EYS: variants seen among roughly 807,000 people sequenced by gnomAD.
EYS encodes EGF-like photoreceptor maintenance factor, also known as protein eyes shut homolog.
In EYS, 250 loss-of-function variants were observed where a neutral mutation model predicts 282.1. The ratio of observed to expected loss-of-function variants is 0.89; its 90% CI spans 0.80 to 0.98. The LOEUF is 0.98. Among genes scored for constraint, EYS ranks in the 50% least tolerant of loss-of-function variants. EYS has a pLI of 0.00. For missense variants in EYS, 4,016 were observed against 3,709.0 expected (o/e 1.08, Z -2.15); for synonymous variants, 1,355 against 1,282.9 (o/e 1.06, Z -1.20).
At chr6:64,095,868 G>C (rs1772587724) in intron 31 of EYS, among the ~76,000 whole-genome samples, 1 of 152,138 alleles carries the variant, frequency 6.6e-6, no homozygotes, top group Non-Finnish European at 1.5e-5. Context: ...TTTACAATTT[G>C]GCATGTTTTT....
At chr6:65,648,032 T>A (rs1022593737) in intron 1 of EYS, among the ~76,000 whole-genome samples, 7 of 152,078 alleles carry the variant, frequency 4.6e-5, no homozygotes, top group African/African-American at 1.7e-4. Flanking sequence ...AAATAATAGA[T>A]CTTGGCGTGG....
At chr6:64,392,704 C>A (rs1023805651) in intron 28 of EYS, among the ~76,000 whole-genome samples, 1 of 147,674 alleles carries the variant, frequency 6.8e-6, no homozygotes, top group Non-Finnish European at 1.5e-5. Flanking sequence ...ACCCTAACAT[C>A]ACAATTAAAA....
At chr6:64,204,078 G>T (rs1765549670) in intron 31 of EYS, among the ~76,000 whole-genome samples, 1 of 151,958 alleles carries the variant, frequency 6.6e-6, no homozygotes, top group Admixed American at 6.6e-5. Flanking sequence ...AAAATACCTG[G>T]CATTAAATAT....
At chr6:64,735,368 C>T (rs773961970) in intron 22 of EYS, among the ~76,000 whole-genome samples, 1 of 152,208 alleles carries the variant, frequency 6.6e-6, no homozygotes, top group Non-Finnish European at 1.5e-5. Context: ...CAGGCGTGAA[C>T]CACCGTGCCC....
chr6:64,951,673 C>G lies in EYS; in HGVS notation c.2260-5759G>C, dbSNP rs140981394. Among the ~76,000 whole-genome samples, 148 of 151,766 alleles carry G rather than the reference C, an allele frequency of 9.8e-4. 1 individual carries two copies. In the East Asian group the frequency reaches 0.024, roughly 25 times the overall value. Reference sequence around the variant, plus strand: ...TCTATAAAAGAGACAAAGAAAAACTCTGAGTTTGAAAATTATAACCTGAAA... The same window carrying G: ...TCTATAAAAGAGACAAAGAAAAACTGTGAGTTTGAAAATTATAACCTGAAA... On this transcript the variant is annotated intron_variant, in intron 14 of 42. Transcript: ENST00000503581.
Position 63,731,750 on chromosome 6 carries a change from ATAT to A in EYS, c.8072-5073_8072-5071del, listed in dbSNP as rs1768787710. On this transcript the variant is annotated intron_variant, in intron 41 of 42. Transcript: ENST00000503581. ...GCTTTATGTTATAAGCAGATAGCTA[ATAT>A]TTTTCAAAAATTAATAGTTTGTCCT... Among the ~76,000 whole-genome samples, 7 of 152,330 alleles carry A rather than the reference ATAT, an allele frequency of 4.6e-5. 2 individuals are homozygous for A. The highest frequency in any genetic ancestry group is 1.7e-4 in the African/African-American group (7 of 41,576).
intron 2 of EYS, among the ~76,000 whole-genome samples, chr6:65,581,166 G>C (rs1218450070): frequency 6.6e-6 from 1 of 151,922 alleles, no homozygotes; most frequent in African/African-American, 2.4e-5. Context: ...ACTTTGCTGT[G>C]GGTCTAATCA....
intron 22 of EYS, among the ~76,000 whole-genome samples, chr6:64,700,631 T>C (rs889894684): frequency 1.3e-5 from 2 of 151,950 alleles, no homozygotes; most frequent in African/African-American, 4.8e-5. Context: ...TTATGATAAC[T>C]AAAATATTAA....
At chr6:64,930,461 T>TAAA (rs55650031) in intron 15 of EYS, among the ~76,000 whole-genome samples, 1 of 123,010 alleles carries the variant, frequency 8.1e-6, no homozygotes, top group South Asian at 2.6e-4. Context: ...ATAAATAAGG[T>TAAA]AAAAAAAAAA....
chr6:64,494,469 T>G (rs1776832578), intron 26 of EYS, among the ~76,000 whole-genome samples: 1 of 151,662 alleles, frequency 6.6e-6, no homozygotes, highest in South Asian at 2.1e-4. Flanking sequence ...TTTCTCTCAC[T>G]ATTCTTTATT....
intron 31 of EYS, among the ~76,000 whole-genome samples, chr6:64,107,294 TA>T (rs1562204706): frequency 4.1e-5 from 5 of 123,204 alleles, no homozygotes; most frequent in South Asian, 2.4e-4. Context: ...TTTATATATA[TA>T]TATATATATA....
At chr6:64,603,861 CTG>C (rs34430318) in intron 24 of EYS, among the ~76,000 whole-genome samples, 13,546 of 147,790 alleles carry the variant, frequency 0.092, 726 homozygotes, top group East Asian at 0.16. Context: ...AAATGAATAC[CTG>C]TGTGTGTGTG....
rs143798043 is a variant in EYS, at chr6:64,156,399, T to G, written c.6424+74193A>C. On this transcript the variant is annotated intron_variant, in intron 31 of 42. Transcript: ENST00000503581. ...AATTAAACCTCTTTTTTTCCCCCAG[T>G]CTTGAGTATGTCTTTATCAGCAATG... is the stretch of plus-strand genomic sequence containing the variant. Among the ~76,000 whole-genome samples, 93 of 152,192 alleles carry G rather than the reference T, an allele frequency of 6.1e-4. No individual in the cohort carries two copies. The East Asian group carries it at 0.017, about 27-fold the overall frequency.
intron 12 of EYS, among the ~76,000 whole-genome samples, chr6:65,073,327 T>C (rs1450023147): frequency 6.6e-6 from 1 of 151,832 alleles, no homozygotes; most frequent in Non-Finnish European, 1.5e-5. Context: ...AGAGTAAAAC[T>C]GACTTTCAAG....
At chr6:64,234,358 C>G (rs983920943) in intron 30 of EYS, among the ~76,000 whole-genome samples, 1 of 151,888 alleles carries the variant, frequency 6.6e-6, no homozygotes, top group African/African-American at 2.4e-5. Flanking sequence ...TGTTTTTTCA[C>G]CTAAATGTAG....
At chr6:65,124,227 A>G (rs1247744434) in intron 12 of EYS, among the ~76,000 whole-genome samples, 1 of 152,144 alleles carries the variant, frequency 6.6e-6, no homozygotes, top group Non-Finnish European at 1.5e-5. Context: ...TGAAAGCAAA[A>G]GGGACTTTGT....
chr6:64,447,361 C>A (rs1429431526), intron 26 of EYS, among the ~76,000 whole-genome samples: 2 of 151,998 alleles, frequency 1.3e-5, no homozygotes, highest in Admixed American at 6.6e-5. Flanking sequence ...AGCTTAATAC[C>A]CACTAATAGA....
intron 12 of EYS, among the ~76,000 whole-genome samples, chr6:65,088,260 A>C (rs1774445168): frequency 6.6e-6 from 1 of 152,164 alleles, no homozygotes. Flanking sequence ...GCAACTTTGG[A>C]ACTGGGCAAT....
At chr6:63,948,902 AT>A (rs1182515135) in intron 35 of EYS, among the ~76,000 whole-genome samples, 1 of 152,106 alleles carries the variant, frequency 6.6e-6, no homozygotes, top group Non-Finnish European at 1.5e-5. Context: ...TGCTATATAT[AT>A]GTTCTCATCT....
Sources: gnomAD v4.1 joint callset for allele counts (sites outside exome capture counted in the v4.1 genomes callset) on GRCh38, gnomAD v4.1.1 for gene constraint, MANE v1.5 for transcripts, NCBI Gene and HGNC (gene_info 2026-07-23, HGNC 2026-07-21) for gene names.